SH2B3: variants seen among roughly 807,000 people sequenced by gnomAD.
SH2B3 encodes the protein SH2B adaptor protein 3.
Under a neutral mutation model 51.9 loss-of-function variants are expected in SH2B3, and 43 were observed. The observed-to-expected ratio is 0.83, with a 90% confidence interval of 0.65 to 1.07. SH2B3 has a LOEUF of 1.07. Among genes scored for constraint, SH2B3 ranks in the 50% least tolerant of loss-of-function variants. SH2B3 has a pLI of 0.00. For missense variants in SH2B3, 952 were observed against 834.3 expected, an observed-to-expected ratio of 1.14 and a Z score of -1.74; for synonymous variants, 396 against 376.0, an observed-to-expected ratio of 1.05 and a Z score of -0.62.
Position 111,406,559 on chromosome 12 carries a change from AC to A in SH2B3, c.-28+285del, listed in dbSNP as rs1295542581. On this transcript the variant is annotated intron_variant, in intron 1 of 7. Transcript: ENST00000341259. This position sits in a 1 kb window ranked among gnomAD's most constrained non-coding sequence, Gnocchi z 5.7. ...AGGGCATCGCTGACGCCCCCAGCCC[AC>A]CCTACGGTAGCCTCGCCGGTTGGGG... Among the ~76,000 whole-genome samples the A allele has an allele frequency of 6.6e-6, 1 of 151,980 alleles. No individual in the cohort carries two copies. Among genetic ancestry groups the A allele is most frequent in the Non-Finnish European group, 1.5e-5 (1 of 67,944 alleles).
chr12:111,434,031 G>T (rs1196707126), intron 2 of SH2B3, among the ~76,000 whole-genome samples: 1 of 152,110 alleles, frequency 6.6e-6, no homozygotes, highest in Admixed American at 6.6e-5. Flanking sequence ...CTTCCAGAAA[G>T]GTCATACGCA....
chr12:111,434,842 A>G (rs1244661809), intron 2 of SH2B3: 1 of 1,528,434 alleles, frequency 6.5e-7, no homozygotes, highest in Non-Finnish European at 8.8e-7. Context: ...GTAAACGTTC[A>G]GTAAACAGGA....
At chr12:111,422,040 C>G (rs1165906817) in intron 2 of SH2B3, among the ~76,000 whole-genome samples, 1 of 152,200 alleles carries the variant, frequency 6.6e-6, no homozygotes, top group African/African-American at 2.4e-5. Flanking sequence ...GGTTCCACTT[C>G]CCCACCAACA....
chr12:111,428,938 C>A (rs1052592294), intron 2 of SH2B3, among the ~76,000 whole-genome samples: 11 of 151,490 alleles, frequency 7.3e-5, no homozygotes, highest in African/African-American at 2.7e-4. Context: ...CCCCATGCCT[C>A]CGGGTGTGGG....
chr12:111,415,307 C>G (rs984806952), intron 1 of SH2B3, among the ~76,000 whole-genome samples: 2 of 152,184 alleles, frequency 1.3e-5, no homozygotes, highest in Admixed American at 1.3e-4. Context: ...TGGTCTCCAG[C>G]AGGGGCCCAG....
rs1201599536 is a variant in SH2B3 at position 111,447,127 on chromosome 12, T to A, written c.929T>A (p.Leu310Gln). 1 of 1,613,654 alleles carries A rather than the reference T, an allele frequency of 6.2e-7. No homozygotes were observed. Among genetic ancestry groups the A allele is most frequent in the African/African-American group, 1.3e-5 (1 of 74,908 alleles). The change falls in exon 5 of 8, where the codon CTG becomes CAG. Residue 310 changes from leucine to glutamine, a missense_variant and splice_region_variant. By Grantham distance (113) the Leu-to-Gln change is moderately radical. Coordinates refer to ENST00000341259, the MANE Select transcript of SH2B3 (RefSeq NM_005475.3). Reference protein sequence around the residue: ...AELSECTGRGLESTEAEMHIP... With the variant: ...AELSECTGRGQESTEAEMHIP... ...AACCTCAGCCTCTTCTCCAGCAGGCTGGAGAGCACAGAAGCAGAGATGCAT... is the reference window on the plus strand; with the variant it reads ...AACCTCAGCCTCTTCTCCAGCAGGCAGGAGAGCACAGAAGCAGAGATGCAT...
At chr12:111,442,969 G>A (rs887425490) in intron 2 of SH2B3, among the ~76,000 whole-genome samples, 4 of 152,248 alleles carry the variant, frequency 2.6e-5, no homozygotes, top group African/African-American at 9.6e-5. Context: ...GACCTGGCAG[G>A]GTGGGGTGTG....
At chr12:111,431,857 A>C (rs1054360513) in intron 2 of SH2B3, among the ~76,000 whole-genome samples, 8 of 152,132 alleles carry the variant, frequency 5.3e-5, no homozygotes, top group Admixed American at 2.0e-4. Flanking sequence ...CCTCCCGCCT[A>C]GGTCTCCCAA....
chr12:111,447,875 G>GAGGGT (rs1285561943), intron 7 of SH2B3, 48 bp downstream of exon 7: 9 of 1,591,750 alleles, frequency 5.7e-6, no homozygotes, highest in Non-Finnish European at 7.7e-6. Flanking sequence ...ACACTGGGTA[G>GAGGGT]AGGGTAGAGG....
chr12:111,446,657 A>C (rs1386160458), intron 2 of SH2B3, 96 bp from the exon 3 acceptor site: 1 of 678,322 alleles, frequency 1.5e-6, no homozygotes, highest in Non-Finnish European at 2.5e-6. Context: ...CTCTCTCTAA[A>C]AGGGGGACTC....
rs1242064891 is a variant in SH2B3, at chr12:111,418,333, T to C, written c.188T>C (p.Val63Ala). ...CACGCGCCGCTGCGCGCCGAGCTGG[T>C]GTCGCTGCAGTTCACCGACCTCTTC... Reference protein sequence around the residue: ...PQHAPLRAELVSLQFTDLFQR... With the variant: ...PQHAPLRAELASLQFTDLFQR... Residue 63 changes from valine (V) to alanine (A), a missense_variant, in exon 2 of 8, where the codon GTG becomes GCG. Transcript: ENST00000341259. The surrounding 1 kb of genome is among the most constrained non-coding windows in gnomAD (Gnocchi z 6.7). The C allele has an allele frequency of 6.6e-7, 1 of 1,525,282 alleles. No individual in the cohort carries two copies. The highest frequency in any genetic ancestry group is 2.0e-5 in the Admixed American group (1 of 50,444). 94.5% of individuals were successfully genotyped at this position (1,525,282 alleles called of 1,614,324 possible).
intron 1 of SH2B3, among the ~76,000 whole-genome samples, chr12:111,414,503 T>C (rs1305393339): frequency 6.6e-6 from 1 of 151,380 alleles, no homozygotes; most frequent in Admixed American, 6.6e-5. Flanking sequence ...AAGATGAGGA[T>C]AGCTTGAGCC....
rs1871329061 is a variant in SH2B3 at position 111,418,992 on chromosome 12, C to G, written c.732+115C>G. 6 of 1,011,096 alleles carry G rather than the reference C, an allele frequency of 5.9e-6. No individual in the cohort carries two copies. Among genetic ancestry groups the G allele is most frequent in the Non-Finnish European group, 7.9e-6 (6 of 756,602 alleles). The allele number at this position is 1,011,096 out of a possible 1,614,324, so 62.6% of individuals were successfully genotyped here. ...TTTCCAGCTGGTGGCCACAGAGTGT[C>G]CAGAGGGAACTAGGCCCTCTTAAAA... On this transcript the variant is annotated intron_variant, in intron 2 of 7. Transcript: ENST00000341259. The surrounding 1 kb of genome is among the most constrained non-coding windows in gnomAD (Gnocchi z 6.7).
chr12:111,411,473 T>C (rs1049169246), intron 1 of SH2B3, among the ~76,000 whole-genome samples: 1 of 152,160 alleles, frequency 6.6e-6, no homozygotes, highest in African/African-American at 2.4e-5. Flanking sequence ...TCCCGAATTA[T>C]ACTATTATCC....
intron 2 of SH2B3, among the ~76,000 whole-genome samples, chr12:111,425,994 A>G: frequency 6.6e-6 from 1 of 152,228 alleles, no homozygotes; most frequent in East Asian, 1.9e-4. Context: ...GCTTTCAGGA[A>G]TGAAGACCGA....
At position 111,410,342 on chromosome 12, in the gene SH2B3, A is replaced by G. The variant is rs559449697; in HGVS notation, c.-28+4065A>G. Among the ~76,000 whole-genome samples, 2 of 152,276 alleles carry G rather than the reference A, an allele frequency of 1.3e-5. No homozygotes were observed. Among genetic ancestry groups the G allele is most frequent in the South Asian group, 2.1e-4 (1 of 4,822 alleles). ...AGGCGAGGTAATTGAGGGCTTACGCATGTCCCTCCTGATGTCCCCAAGTAG... is the reference window on the plus strand; with the variant it reads ...AGGCGAGGTAATTGAGGGCTTACGCGTGTCCCTCCTGATGTCCCCAAGTAG... On this transcript the variant is annotated intron_variant, in intron 1 of 7. Transcript: ENST00000341259. This position sits in a 1 kb window ranked among gnomAD's most constrained non-coding sequence, Gnocchi z 4.9.
intron 2 of SH2B3, among the ~76,000 whole-genome samples, chr12:111,442,419 G>C (rs539088679): frequency 5.9e-5 from 9 of 151,660 alleles, no homozygotes; most frequent in Middle Eastern, 6.8e-3. Context: ...AGGTGTGGCA[G>C]AGGCGTGGCT....
intron 2 of SH2B3, among the ~76,000 whole-genome samples, chr12:111,427,188 G>A (rs961601718): frequency 6.6e-6 from 1 of 151,880 alleles, no homozygotes; most frequent in Non-Finnish European, 1.5e-5. Flanking sequence ...GAGTTCAAGA[G>A]CAGCCTGGCC....
rs993655733 is a variant in SH2B3 at position 111,450,731 on chromosome 12, C to G, written c.*2429C>G. The G allele has an allele frequency of 6.5e-6, 1 of 152,784 alleles. No homozygotes were observed. The highest frequency in any genetic ancestry group is 1.5e-5 in the Non-Finnish European group (1 of 68,234). The allele number at this position is 152,784 out of a possible 1,614,324, so 9.5% of individuals were successfully genotyped here. On this transcript the variant is annotated 3_prime_UTR_variant, in exon 8 of 8. Transcript: ENST00000341259. ...CTTCCCGTCCAAGTTACCAGGACAG[C>G]TCAAAAACATGCTGACAGAAAACTC... is the stretch of plus-strand genomic sequence containing the variant.
Sources: allele counts gnomAD v4.1 joint callset (sites outside exome capture counted in the v4.1 genomes callset), GRCh38; gene constraint gnomAD v4.1.1; non-coding constraint Gnocchi (gnomAD v3.1); transcripts MANE v1.5; gene names NCBI Gene and HGNC (gene_info 2026-07-23, HGNC 2026-07-21).